Variants in WNT2B observed in about 807,000 individuals in gnomAD.
WNT2B encodes the protein protein Wnt-2b.
Under a neutral mutation model 40.5 loss-of-function variants are expected in WNT2B, and 19 were observed. The ratio of observed to expected loss-of-function variants is 0.47; its 90% CI spans 0.33 to 0.69. The LOEUF (loss-of-function observed/expected upper bound fraction) is 0.69, where lower values mean the gene tolerates loss of function less well. WNT2B is among the 30% of genes least tolerant of loss of function. The probability of loss-of-function intolerance (pLI) is 0.02; values close to 1 mark genes in which losing one functional copy is unlikely to be tolerated. For synonymous variants in WNT2B, 220 were observed against 211.9 expected (o/e 1.04, Z -0.33); for missense variants, 467 against 556.4 (o/e 0.84, Z 1.62).
At chr1:112,483,221 C>T (rs1005612243) in intron 1 of WNT2B, among the ~76,000 whole-genome samples, 15 of 67,336 alleles carry the variant, frequency 2.2e-4, no homozygotes, top group Non-Finnish European at 2.6e-5. Context: ...CACACACACA[C>T]ATATACACAC....
intron 1 of WNT2B, chr1:112,491,228 T>C (rs993219648): frequency 1.4e-6 from 1 of 710,114 alleles, no homozygotes; most frequent in African/African-American, 1.8e-5. Flanking sequence ...GCCAACATGG[T>C]GAAACTCCGT....
chr1:112,485,371 G>C lies in WNT2B; in HGVS notation c.-95+17780G>C, dbSNP rs142288084. Among the ~76,000 whole-genome samples the C allele has an allele frequency of 1.3e-3, 197 of 151,848 alleles. 3 individuals are homozygous for C. The highest frequency in any genetic ancestry group is 4.0e-3 in the African/African-American group (166 of 41,390). ...AGGTACACAGGAGGCTGAGGCACGA[G>C]GATTGCTTGAACCCAGGAGGCAGAG... On this transcript the variant is annotated intron_variant, in intron 1 of 4. Coordinates refer to the WNT2B transcript ENST00000256640.
intron 1 of WNT2B, among the ~76,000 whole-genome samples, chr1:112,493,907 C>T (rs1309507747): frequency 3.4e-5 from 5 of 146,550 alleles, no homozygotes; most frequent in African/African-American, 1.3e-4. Context: ...TACACCTAGG[C>T]ATATCATATT....
At chr1:112,475,900 AAAAATATGCTGCCCAC>A (rs1245580161) in intron 1 of WNT2B, among the ~76,000 whole-genome samples, 1 of 152,226 alleles carries the variant, frequency 6.6e-6, no homozygotes, top group African/African-American at 2.4e-5. Flanking sequence ...ACAAACACTC[AAAAATATGCTGCCCAC>A]AAGAAATCCA....
At chr1:112,508,676 G>A (rs1652208862), upstream of WNT2B, 1 of 979,852 alleles carries the variant, frequency 1.0e-6, no homozygotes, top group Non-Finnish European at 1.2e-6. The surrounding 1 kb of genome is among the most constrained non-coding windows in gnomAD (Gnocchi z 4.2). Flanking sequence ...ATAGAAGTGG[G>A]GCTGCTGAGT....
chr1:112,517,043 C>G (rs986942323), intron 3 of WNT2B, 78 bp from the exon 4 acceptor site: 28 of 1,545,334 alleles, frequency 1.8e-5, no homozygotes, highest in Middle Eastern at 2.3e-4. Flanking sequence ...TCAGAGCACT[C>G]ATCCTTTTGG....
At chr1:112,470,647 C>T (rs567239718) in intron 1 of WNT2B, among the ~76,000 whole-genome samples, 22 of 152,176 alleles carry the variant, frequency 1.4e-4, no homozygotes, top group Admixed American at 5.9e-4. Flanking sequence ...GAAAGGCGTC[C>T]GCTCTCTATG....
rs1342099010 is a variant in WNT2B at position 112,524,034 on chromosome 1, C to T, written c.*3525C>T. 6.6e-6 allele frequency: 1 copy of T among 151,762 alleles called. No homozygotes were observed. The highest frequency in any genetic ancestry group is 1.5e-5 in the Non-Finnish European group (1 of 67,890). 9.4% of individuals were successfully genotyped at this position (151,762 alleles called of 1,614,324 possible). ...ACAAAAAACAAAAAACAAAAACAAA[C>T]ATTGCCTGGCCCTGAGGGTCTGTTT... On this transcript the variant is annotated 3_prime_UTR_variant, in exon 5 of 5. Coordinates refer to ENST00000369684, the MANE Select transcript of WNT2B (RefSeq NM_024494.3).
intron 1 of WNT2B, among the ~76,000 whole-genome samples, chr1:112,495,594 A>G (rs997552833): frequency 4.6e-5 from 7 of 151,354 alleles, no homozygotes; most frequent in African/African-American, 1.7e-4. Flanking sequence ...GTCTCAAAAA[A>G]AAAAAAAAAA....
At chr1:112,482,368 C>T (rs12757949) in intron 1 of WNT2B, among the ~76,000 whole-genome samples, 1 of 152,126 alleles carries the variant, frequency 6.6e-6, no homozygotes, top group Admixed American at 6.5e-5. Context: ...CAGAGCCTTG[C>T]TCTGTCACCC....
At chr1:112,483,333 A>G (rs550827310) in intron 1 of WNT2B, among the ~76,000 whole-genome samples, 1 of 152,206 alleles carries the variant, frequency 6.6e-6, no homozygotes, top group East Asian at 1.9e-4. Flanking sequence ...CCATGCATCT[A>G]TAGTCAACTG....
intron 1 of WNT2B, among the ~76,000 whole-genome samples, chr1:112,484,246 CATATATATACACAT>C (rs1277490034): frequency 2.6e-5 from 3 of 116,732 alleles, no homozygotes; most frequent in African/African-American, 4.1e-5. Context: ...TATATATACA[CATATATATACACAT>C]ATATATATAC....
At chr1:112,483,849 G>A (rs1213044815) in intron 1 of WNT2B, among the ~76,000 whole-genome samples, 1 of 149,194 alleles carries the variant, frequency 6.7e-6, no homozygotes, top group Non-Finnish European at 1.5e-5. Flanking sequence ...AATGAGCAAA[G>A]GACCTGAATA....
intron 1 of WNT2B, among the ~76,000 whole-genome samples, chr1:112,480,761 C>CA (rs1651200049): frequency 6.6e-6 from 1 of 152,090 alleles, no homozygotes; most frequent in Admixed American, 6.6e-5. Flanking sequence ...ATACCAAAAC[C>CA]AGACAAAGAT....
chr1:112,489,410 A>C (rs1344411143), intron 1 of WNT2B, among the ~76,000 whole-genome samples: 2 of 151,990 alleles, frequency 1.3e-5, no homozygotes, highest in Non-Finnish European at 2.9e-5. Flanking sequence ...AATACAAAAA[A>C]AAAATTAGCC....
At chr1:112,508,300 G>A (rs1373091100), upstream of WNT2B, among the ~76,000 whole-genome samples, 1 of 151,270 alleles carries the variant, frequency 6.6e-6, no homozygotes, top group Non-Finnish European at 1.5e-5. The surrounding 1 kb of genome is among the most constrained non-coding windows in gnomAD (Gnocchi z 4.2). Flanking sequence ...CCTTAGCGTC[G>A]GCAGTCGATT....
chr1:112,478,570 C>T (rs755295209), intron 1 of WNT2B, among the ~76,000 whole-genome samples: 24 of 151,600 alleles, frequency 1.6e-4, no homozygotes, highest in Non-Finnish European at 2.8e-4. Flanking sequence ...AACCCAAGTA[C>T]TGAAAGAAAA....
intron 1 of WNT2B, among the ~76,000 whole-genome samples, chr1:112,472,994 G>GAGGGGAGGGA (rs1553229355): frequency 6.6e-5 from 9 of 136,800 alleles, no homozygotes; most frequent in African/African-American, 2.1e-4. Flanking sequence ...GAGAGGGAGG[G>GAGGGGAGGGA]AGGGGAGGGA....
intron 1 of WNT2B, among the ~76,000 whole-genome samples, chr1:112,484,340 CA>C (rs1651346552): frequency 6.7e-6 from 1 of 148,390 alleles, no homozygotes; most frequent in African/African-American, 2.5e-5. Context: ...TCTCACTTGT[CA>C]CCCAGGCTGG....
Sources: allele counts gnomAD v4.1 joint callset (sites outside exome capture counted in the v4.1 genomes callset), GRCh38; gene constraint gnomAD v4.1.1; non-coding constraint Gnocchi (gnomAD v3.1); transcripts MANE v1.5; gene names NCBI Gene and HGNC (gene_info 2026-07-23, HGNC 2026-07-21).